The following HSD17B12 variants were observed in gnomAD, a reference collection of about 807,000 sequenced individuals.
HSD17B12 encodes very-long-chain 3-oxoacyl-CoA reductase.
Under a neutral mutation model 39.3 loss-of-function variants are expected in HSD17B12, and 32 were observed. The ratio of observed to expected loss-of-function variants is 0.81; its 90% CI spans 0.61 to 1.09. The LOEUF (loss-of-function observed/expected upper bound fraction) is 1.09, where lower values mean the gene tolerates loss of function less well. Among genes scored for constraint, HSD17B12 ranks in the 50% least tolerant of loss-of-function variants. The pLI, the probability that HSD17B12 is intolerant of heterozygous loss-of-function variation, is 0.00. For missense variants in HSD17B12, 342 were observed against 382.9 expected, an observed-to-expected ratio of 0.89 and a Z score of 0.89; for synonymous variants, 150 against 146.7, an observed-to-expected ratio of 1.02 and a Z score of -0.16.
At chr11:43,600,932 C>A in the HSD17B12 span, among the ~76,000 whole-genome samples, 2 of 151,558 alleles carry the variant, frequency 1.3e-5, no homozygotes, top group Non-Finnish European at 2.9e-5. Context: ...TTAAAGATAC[C>A]GGTTGTTATT....
chr11:43,772,233 G>A (rs749352824), intron 3 of HSD17B12, among the ~76,000 whole-genome samples: 1 of 152,102 alleles, frequency 6.6e-6, no homozygotes, highest in Non-Finnish European at 1.5e-5. Context: ...TAAATATGTT[G>A]CAGCTTACTG....
At chr11:43,706,027 G>A (rs7932905) in intron 1 of HSD17B12, among the ~76,000 whole-genome samples, 75,974 of 151,644 alleles carry the variant, frequency 0.5, 19,472 homozygotes, top group Non-Finnish European at 0.53. Flanking sequence ...TGTACCATCC[G>A]GGTCACTGAA....
rs576137701 is a variant in HSD17B12, at chr11:43,708,791, AG to A, written c.160+27805del. On this transcript the variant is annotated intron_variant, in intron 1 of 10. Transcript: ENST00000278353. Reference sequence around the variant, plus strand: ...GATATTTGGAGCATATTTGGCTATTAGCCAATTAGTGCTTATCTTTTATAAT... The same window carrying A: ...GATATTTGGAGCATATTTGGCTATTACCAATTAGTGCTTATCTTTTATAAT... 5.4e-4 allele frequency among the ~76,000 whole-genome samples: 83 copies of A among 152,360 alleles called. 1 individual carries two copies. The highest frequency in any genetic ancestry group is 1.0e-3 in the Non-Finnish European group (69 of 68,030).
At chr11:43,723,663 C>A (rs1336276459) in intron 1 of HSD17B12, among the ~76,000 whole-genome samples, 1 of 152,118 alleles carries the variant, frequency 6.6e-6, no homozygotes, top group African/African-American at 2.4e-5. Flanking sequence ...TGTAAAATAT[C>A]TTGTCTTACT....
chr11:43,806,749 A>G (rs1016819873), intron 4 of HSD17B12, among the ~76,000 whole-genome samples: 5 of 152,336 alleles, frequency 3.3e-5, no homozygotes, highest in Admixed American at 2.0e-4. Flanking sequence ...ACTTAGATGG[A>G]AGAAATAAGA....
the HSD17B12 span, chr11:43,673,211 T>G: frequency 6.6e-6 from 1 of 152,238 alleles, no homozygotes; most frequent in African/African-American, 2.4e-5. Context: ...ATAGAACTAC[T>G]CCTGATTTCA....
chr11:43,793,054 A>G (rs1283256752), intron 3 of HSD17B12, among the ~76,000 whole-genome samples: 1 of 152,176 alleles, frequency 6.6e-6, no homozygotes. Flanking sequence ...TATGACAAAT[A>G]ATGCTCCCTG....
At position 43,839,981 on chromosome 11, in the gene HSD17B12, C is replaced by T. The variant is rs370015592; in HGVS notation, c.619-18C>T. 14 of 1,605,696 alleles carry T rather than the reference C, an allele frequency of 8.7e-6. No homozygotes were observed. In the African/African-American group the frequency reaches 1.9e-4, roughly 21 times the overall value. ...ATGTAATGTGTGTGTTTTCTTCTCA[C>T]TCCCACTCCCCTCCCAGACTTTTGT... On this transcript the variant is annotated intron_variant, in intron 8 of 10. Transcript: ENST00000278353.
Position 43,686,018 on chromosome 11 carries a change from G to GT in HSD17B12, c.160+5032dup, listed in dbSNP as rs1284933647. Among the ~76,000 whole-genome samples the GT allele has an allele frequency of 5.9e-5, 9 of 152,324 alleles. No homozygotes were observed. In the South Asian group the frequency reaches 1.7e-3, roughly 28 times the overall value. ...GAGAAAATACTGGAAAGTTACTAAG[G>GT]TGCTTAACAAAGCAAAGGGTTTGAC... On this transcript the variant is annotated intron_variant, in intron 1 of 10. Transcript: ENST00000278353.
At chr11:43,637,122 T>A in the HSD17B12 span, among the ~76,000 whole-genome samples, 1 of 151,886 alleles carries the variant, frequency 6.6e-6, no homozygotes, top group East Asian at 1.9e-4. Context: ...CTTAGAACAG[T>A]GCCTATCACC....
At chr11:43,791,945 T>C (rs920907324) in intron 3 of HSD17B12, among the ~76,000 whole-genome samples, 7 of 152,220 alleles carry the variant, frequency 4.6e-5, no homozygotes, top group African/African-American at 1.7e-4. Flanking sequence ...ATTAAAATTG[T>C]CATGAATATT....
chr11:43,606,644 C>T, the HSD17B12 span, among the ~76,000 whole-genome samples: 1 of 152,220 alleles, frequency 6.6e-6, no homozygotes, highest in Non-Finnish European at 1.5e-5. Context: ...GGAGACAGGA[C>T]TCAAACACAG....
chr11:43,714,772 C>G (rs1461603427), intron 1 of HSD17B12, among the ~76,000 whole-genome samples: 1 of 152,126 alleles, frequency 6.6e-6, no homozygotes, highest in African/African-American at 2.4e-5. Context: ...AACGTTCTTC[C>G]ATTTGTTTGT....
intron 9 of HSD17B12, among the ~76,000 whole-genome samples, chr11:43,841,977 T>C (rs749780317): frequency 3.3e-5 from 5 of 152,218 alleles, no homozygotes; most frequent in Non-Finnish European, 7.3e-5. Context: ...ATGATGATTA[T>C]TATTATTTTT....
intron 1 of HSD17B12, among the ~76,000 whole-genome samples, chr11:43,709,602 G>A (rs1000440347): frequency 6.6e-6 from 1 of 152,168 alleles, no homozygotes; most frequent in Non-Finnish European, 1.5e-5. Flanking sequence ...AACAGGAGGT[G>A]AGTAATTGGA....
At chr11:43,733,895 A>T in intron 1 of HSD17B12, 2 of 683,982 alleles carry the variant, frequency 2.9e-6, no homozygotes, top group African/African-American at 1.8e-5. Flanking sequence ...CATGGAGTAC[A>T]GGACATTGTA....
the HSD17B12 span, among the ~76,000 whole-genome samples, chr11:43,588,233 C>T: frequency 6.6e-6 from 1 of 152,164 alleles, no homozygotes; most frequent in Non-Finnish European, 1.5e-5. Flanking sequence ...GAGTTAGATG[C>T]TCTTATTTAG....
chr11:43,656,612 G>A, the HSD17B12 span, among the ~76,000 whole-genome samples: 45 of 151,962 alleles, frequency 3.0e-4, no homozygotes, highest in Non-Finnish European at 2.2e-4. Context: ...CTTTATTCTC[G>A]TTGGTTTCAA....
chr11:43,659,886 A>G, the HSD17B12 span, among the ~76,000 whole-genome samples: 1 of 152,188 alleles, frequency 6.6e-6, no homozygotes, highest in Non-Finnish European at 1.5e-5. Flanking sequence ...ATTAGTTCGA[A>G]AGTCTACCAG....
Sources: allele counts gnomAD v4.1 joint callset (sites outside exome capture counted in the v4.1 genomes callset), GRCh38; gene constraint gnomAD v4.1.1; transcripts MANE v1.5; gene names NCBI Gene and HGNC (gene_info 2026-07-23, HGNC 2026-07-21).